CLTCL1: variants seen among roughly 807,000 people sequenced by gnomAD.
CLTCL1 encodes clathrin heavy chain like 1, also known as clathrin heavy chain 2.
CLTCL1 carries 159 observed loss-of-function variants against 190.0 expected under a neutral mutation model. That is an observed-to-expected ratio of 0.84 (90% CI 0.74 to 0.95). CLTCL1 has a LOEUF of 0.95. Among genes scored for constraint, CLTCL1 ranks in the 40% least tolerant of loss-of-function variants. The probability of loss-of-function intolerance (pLI) is 0.00; values close to 1 mark genes in which losing one functional copy is unlikely to be tolerated. For missense variants in CLTCL1, 1,878 were observed against 2,033.4 expected, an observed-to-expected ratio of 0.92 and a Z score of 1.47; for synonymous variants, 752 against 769.6, an observed-to-expected ratio of 0.98 and a Z score of 0.38.
chr22:19,221,400 G>GC lies in CLTCL1; in HGVS notation c.2772dup (p.Gln925AlafsTer3), dbSNP rs1301423379. On this transcript the variant is annotated frameshift_variant, in exon 17 of 33. Coordinates refer to ENST00000427926, the MANE Select transcript of CLTCL1 (RefSeq NM_007098.4). LOFTEE classifies it high-confidence loss of function. Reference sequence around the variant, plus strand: ...ACCTTGATGAGCTCAAGGTCACACTGCCCCCGCTCATAGGCAACACAGGCC... The same window carrying GC: ...ACCTTGATGAGCTCAAGGTCACACTGCCCCCCGCTCATAGGCAACACAGGCC... The GC allele has an allele frequency of 1.5e-5, 23 of 1,554,194 alleles. No individual in the cohort carries two copies. The highest frequency in any genetic ancestry group is 1.9e-5 in the Non-Finnish European group (22 of 1,148,418).
At chr22:19,210,577 T>C (rs919076352) in intron 19 of CLTCL1, 68 bp from the exon 20 acceptor site, 1 of 1,457,900 alleles carries the variant, frequency 6.9e-7, no homozygotes, top group Non-Finnish European at 9.4e-7. Context: ...TTTTGGCAGG[T>C]CAGGCATCCC....
chr22:19,204,093 C>T (rs1441965901), intron 22 of CLTCL1, among the ~76,000 whole-genome samples: 1 of 152,240 alleles, frequency 6.6e-6, no homozygotes, highest in Non-Finnish European at 1.5e-5. Context: ...CCTTGTCCTT[C>T]ACTCTGTTTG....
chr22:19,225,015 CA>C (rs2085695662), intron 13 of CLTCL1, among the ~76,000 whole-genome samples: 1 of 152,208 alleles, frequency 6.6e-6, no homozygotes, highest in African/African-American at 2.4e-5. Flanking sequence ...GTCAGCCCCC[CA>C]CAATCAACTG....
rs2086049072 is a variant in CLTCL1, at chr22:19,235,390, A to G, written c.969+306T>C. The stretch of plus-strand genomic sequence containing the variant: ...ACTATGGTTGAGAAAAGTTACTTAA[A>G]TACCATAGTATCTGCTTTTTCAACC... On this transcript the variant is annotated intron_variant, in intron 6 of 32. Coordinates refer to ENST00000427926, the MANE Select transcript of CLTCL1 (RefSeq NM_007098.4). Among the ~76,000 whole-genome samples, 3 of 152,234 alleles carry G rather than the reference A, an allele frequency of 2.0e-5. No homozygotes were observed. The South Asian group carries it at 6.2e-4, about 31-fold the overall frequency.
chr22:19,247,535 T>TTTG (rs1320308600), intron 3 of CLTCL1, among the ~76,000 whole-genome samples: 1 of 152,144 alleles, frequency 6.6e-6, no homozygotes, highest in Non-Finnish European at 1.5e-5. Context: ...GAGTTTTTAT[T>TTTG]TTGTTGTTGT....
intron 1 of CLTCL1, among the ~76,000 whole-genome samples, chr22:19,286,013 G>C (rs1454856983): frequency 1.3e-5 from 2 of 152,158 alleles, no homozygotes; most frequent in African/African-American, 4.8e-5. Context: ...GAGACAGACA[G>C]AGGCTGAACT....
chr22:19,219,838 G>A lies in CLTCL1; in HGVS notation c.2919+47C>T, dbSNP rs370567931. 6.6e-5 allele frequency: 106 copies of A among 1,607,064 alleles called. No homozygotes were observed. In the African/African-American group the frequency reaches 9.7e-4, roughly 15 times the overall value. On this transcript the variant is annotated intron_variant, in intron 18 of 32. Transcript: ENST00000427926. ...AGTCACTTGAGCCACAATGATGATC[G>A]GACGGCAAAATGCAGGTGTGCAGAC...
chr22:19,232,337 A>T, intron 10 of CLTCL1, 139 bp downstream of exon 10: 1 of 1,131,872 alleles, frequency 8.8e-7, no homozygotes, highest in Non-Finnish European at 1.3e-6. Context: ...CTCCCCAAGT[A>T]CACTAGATTT....
intron 9 of CLTCL1, 53 bp downstream of exon 9, chr22:19,233,113 A>G: frequency 1.3e-6 from 2 of 1,566,008 alleles, no homozygotes; most frequent in Non-Finnish European, 1.7e-6. Flanking sequence ...ATCAGCAACC[A>G]CTCAACCACA....
At position 19,242,898 on chromosome 22, in the gene CLTCL1, C is replaced by T. The variant is rs2086299853; in HGVS notation, c.558G>A (p.Val186=). The T allele has an allele frequency of 2.5e-6, 4 of 1,613,910 alleles. No individual in the cohort carries two copies. The highest frequency in any genetic ancestry group is 2.5e-6 in the Non-Finnish European group (3 of 1,179,860). Reference sequence around the variant, plus strand: ...CTATGGGTTGTGAAACCTTCCTATCCACAGAGTAGAGCTGCATTGCTCCAA... The same window carrying T: ...CTATGGGTTGTGAAACCTTCCTATCTACAGAGTAGAGCTGCATTGCTCCAA... ...RVVGAMQLYS[V]DRKVSQPIEG... is the part of the protein sequence containing the mutation. Residue 186 remains valine (V), a synonymous_variant, in exon 4 of 33, where the codon GTG becomes GTA. Transcript: ENST00000427926.
At chr22:19,260,562 G>A (rs2086907606) in intron 2 of CLTCL1, among the ~76,000 whole-genome samples, 1 of 148,388 alleles carries the variant, frequency 6.7e-6, no homozygotes, top group South Asian at 2.1e-4. Context: ...GATCACTTGA[G>A]GTCAGGAGTT....
intron 9 of CLTCL1, chr22:19,232,865 A>G (rs1341910736): frequency 7.1e-6 from 4 of 567,012 alleles, no homozygotes; most frequent in African/African-American, 3.7e-5. Context: ...CAGTAAGCAC[A>G]CAGGGATAAG....
intron 14 of CLTCL1, among the ~76,000 whole-genome samples, chr22:19,223,090 T>C (rs1283696889): frequency 2.6e-5 from 4 of 152,190 alleles, no homozygotes; most frequent in African/African-American, 9.7e-5. Flanking sequence ...GCTCATTATG[T>C]GCAAACCCAA....
chr22:19,196,059 G>A (rs1454819332), intron 26 of CLTCL1, among the ~76,000 whole-genome samples: 1 of 152,082 alleles, frequency 6.6e-6, no homozygotes, highest in East Asian at 1.9e-4. Flanking sequence ...ATCGCTAGAC[G>A]GGTCACCTGC....
intron 32 of CLTCL1, 30 bp from the exon 33 acceptor site, chr22:19,179,999 AG>A (rs1313997208): frequency 1.7e-6 from 1 of 596,664 alleles, no homozygotes; most frequent in African/African-American, 1.9e-5. Context: ...CAATGAGCAG[AG>A]CTCTTCCTGC....
At chr22:19,217,615 CAAAAAAAA>C (rs71184793) in intron 18 of CLTCL1, among the ~76,000 whole-genome samples, 2 of 34,770 alleles carry the variant, frequency 5.8e-5, no homozygotes, top group African/African-American at 1.8e-4. Flanking sequence ...GACTCTGTCT[CAAAAAAAA>C]AAAAAAAAAA....
At chr22:19,230,248 C>T (rs1340723677) in intron 10 of CLTCL1, among the ~76,000 whole-genome samples, 1 of 152,008 alleles carries the variant, frequency 6.6e-6, no homozygotes, top group Admixed American at 6.6e-5. Flanking sequence ...AGACTACAGG[C>T]ACCCGTCACC....
At position 19,191,267 on chromosome 22, in the gene CLTCL1, C is replaced by G. The variant is rs782354377; in HGVS notation, c.4323+37G>C. Reference sequence around the variant, plus strand: ...TCAGATGACTTTGTTAGAGCTAGCCCAATACACTCTTCTACCTGGGGTTTT... The same window carrying G: ...TCAGATGACTTTGTTAGAGCTAGCCGAATACACTCTTCTACCTGGGGTTTT... On this transcript the variant is annotated intron_variant, in intron 27 of 32. Transcript: ENST00000427926. 1.4e-5 allele frequency: 22 copies of G among 1,613,352 alleles called. No individual in the cohort carries two copies. The East Asian group carries it at 4.9e-4, about 36-fold the overall frequency.
chr22:19,236,351 A>G (rs1035212431), intron 5 of CLTCL1, among the ~76,000 whole-genome samples: 4 of 152,200 alleles, frequency 2.6e-5, no homozygotes, highest in Non-Finnish European at 5.9e-5. Flanking sequence ...CTGTGAGTTC[A>G]TAAGAGAAGG....
Sources: gnomAD v4.1 joint callset for allele counts (sites outside exome capture counted in the v4.1 genomes callset) on GRCh38, gnomAD v4.1.1 for gene constraint, MANE v1.5 for transcripts, NCBI Gene and HGNC (gene_info 2026-07-23, HGNC 2026-07-21) for gene names.